The following ACBD6 variants were observed in gnomAD, a reference collection of about 807,000 sequenced individuals.
ACBD6 encodes acyl-CoA-binding domain-containing protein 6.
A neutral mutation model predicts 37.2 loss-of-function variants in ACBD6; 28 were observed. The ratio of observed to expected loss-of-function variants is 0.75; its 90% CI spans 0.56 to 1.03. The LOEUF (loss-of-function observed/expected upper bound fraction) is 1.03. ACBD6 is among the 50% of genes least tolerant of loss of function. ACBD6 has a pLI of 0.00. For synonymous variants in ACBD6, 113 were observed against 126.8 expected, an observed-to-expected ratio of 0.89 and a Z score of 0.73; for missense variants, 340 against 337.4, an observed-to-expected ratio of 1.01 and a Z score of -0.06.
At chr1:180,299,548 T>G (rs1650047730) in intron 7 of ACBD6, among the ~76,000 whole-genome samples, 1 of 151,710 alleles carries the variant, frequency 6.6e-6, no homozygotes, top group Admixed American at 6.6e-5. Flanking sequence ...CTCAGGGTTT[T>G]GATAATGAAT....
exon 14 of ACBD6, chr1:180,271,661 C>G (rs1648668227): frequency 2.2e-6 from 3 of 1,382,804 alleles, no homozygotes; most frequent in African/African-American, 1.4e-5. Flanking sequence ...TTTGCCAGAA[C>G]TGAAGACAGA....
downstream of ACBD6, among the ~76,000 whole-genome samples, chr1:180,285,948 G>C (rs1057332387): frequency 6.6e-6 from 1 of 151,998 alleles, no homozygotes; most frequent in African/African-American, 2.4e-5. Context: ...ATTGTAATAG[G>C]TTTAAAAGAT....
At chr1:180,496,704 C>T (rs534831309) in intron 1 of ACBD6, among the ~76,000 whole-genome samples, 21 of 152,240 alleles carry the variant, frequency 1.4e-4, no homozygotes, top group South Asian at 6.2e-4. Context: ...ATTTGCTTAG[C>T]GATTAATTGC....
At chr1:180,434,161 T>C (rs1424699253) in intron 3 of ACBD6, among the ~76,000 whole-genome samples, 1 of 152,094 alleles carries the variant, frequency 6.6e-6, no homozygotes, top group African/African-American at 2.4e-5. Context: ...CATTATACTT[T>C]CCTCCCTTTA....
chr1:180,300,337 A>G (rs1284840886), intron 7 of ACBD6, among the ~76,000 whole-genome samples: 1 of 152,174 alleles, frequency 6.6e-6, no homozygotes, highest in Non-Finnish European at 1.5e-5. Flanking sequence ...TGATTAAATG[A>G]ATAACAAATA....
chr1:180,474,350 G>C (rs80120697), intron 3 of ACBD6, among the ~76,000 whole-genome samples: 2 of 152,150 alleles, frequency 1.3e-5, no homozygotes, highest in Non-Finnish European at 2.9e-5. Context: ...GCTTTTAAAA[G>C]GGTATGCAGC....
At chr1:180,380,522 A>T (rs1653598535) in intron 6 of ACBD6, among the ~76,000 whole-genome samples, 1 of 152,110 alleles carries the variant, frequency 6.6e-6, no homozygotes, top group Non-Finnish European at 1.5e-5. Flanking sequence ...AGACAAGCAA[A>T]AGCTGAGGGA....
intron 3 of ACBD6, among the ~76,000 whole-genome samples, chr1:180,466,184 CA>C (rs1650341857): frequency 6.6e-6 from 1 of 152,028 alleles, no homozygotes; most frequent in Non-Finnish European, 1.5e-5. Context: ...GGGTAAACTG[CA>C]TATATTTACT....
chr1:180,285,259 C>T (rs981050851), downstream of ACBD6, among the ~76,000 whole-genome samples: 3 of 152,122 alleles, frequency 2.0e-5, no homozygotes, highest in African/African-American at 7.2e-5. Context: ...AACTGAACTA[C>T]GATATGCCAT....
Position 180,361,888 on chromosome 1 carries a change from T to C in ACBD6, c.663+35628A>G, listed in dbSNP as rs546823402. Reference sequence around the variant, plus strand: ...TGTATTTATTGAACATTCTAGGTTTTATATTGTTGCTGTTGATTCCCCCCA... The same window carrying C: ...TGTATTTATTGAACATTCTAGGTTTCATATTGTTGCTGTTGATTCCCCCCA... On this transcript the variant is annotated intron_variant, in intron 6 of 7. Coordinates refer to ENST00000367595, the MANE Select transcript of ACBD6 (RefSeq NM_032360.4). Among the ~76,000 whole-genome samples the C allele has an allele frequency of 4.6e-5, 7 of 152,290 alleles. 1 individual carries two copies. The East Asian group carries it at 1.3e-3, about 29-fold the overall frequency.
At chr1:180,376,132 T>A (rs777900135) in intron 6 of ACBD6, among the ~76,000 whole-genome samples, 1 of 131,884 alleles carries the variant, frequency 7.6e-6, no homozygotes, top group Non-Finnish European at 1.8e-5. Context: ...AACACTGAGA[T>A]GCCATTTCTC....
intron 3 of ACBD6, among the ~76,000 whole-genome samples, chr1:180,471,247 G>A (rs1650553204): frequency 6.6e-6 from 1 of 151,772 alleles, no homozygotes; most frequent in African/African-American, 2.4e-5. Context: ...AAAAAAATAC[G>A]AAAATTAGCC....
chr1:180,491,031 C>G lies in ACBD6; in HGVS notation c.384+1238G>C, dbSNP rs1053676383. Among the ~76,000 whole-genome samples, 10 of 150,438 alleles carry G rather than the reference C, an allele frequency of 6.6e-5. No individual in the cohort carries two copies. In the East Asian group the frequency reaches 1.9e-3, roughly 29 times the overall value. On this transcript the variant is annotated intron_variant, in intron 3 of 7. Transcript: ENST00000367595. ...AAGGCAGTCATATCATTAAAGATAT[C>G]CAAAGTTGGTTATCACTCCCACTTT...
At chr1:180,313,796 C>T (rs1650685154) in intron 7 of ACBD6, among the ~76,000 whole-genome samples, 1 of 152,122 alleles carries the variant, frequency 6.6e-6, no homozygotes. Context: ...CTCCTGGTAG[C>T]TGGGACTACA....
chr1:180,416,828 C>T (rs1036923261), intron 4 of ACBD6, among the ~76,000 whole-genome samples: 1 of 152,076 alleles, frequency 6.6e-6, no homozygotes, highest in Non-Finnish European at 1.5e-5. Context: ...ATAGCATTTT[C>T]TTATCAAAAT....
intron 3 of ACBD6, among the ~76,000 whole-genome samples, chr1:180,456,861 C>T (rs936714065): frequency 4.6e-5 from 7 of 152,240 alleles, no homozygotes; most frequent in Non-Finnish European, 2.9e-5. Flanking sequence ...TCCCAAGTAG[C>T]TGGGACTACA....
intron 3 of ACBD6, among the ~76,000 whole-genome samples, chr1:180,474,796 T>A (rs1291935415): frequency 6.6e-6 from 1 of 152,158 alleles, no homozygotes; most frequent in Non-Finnish European, 1.5e-5. Context: ...AAATGGAGAA[T>A]AAAAAAATAT....
intron 12 of ACBD6, chr1:180,272,818 C>T (rs1034710238): frequency 1.3e-5 from 2 of 152,198 alleles, no homozygotes; most frequent in South Asian, 4.1e-4. Context: ...ATATCTTTGC[C>T]CATCTCACTG....
chr1:180,284,634 T>C (rs1454467337), downstream of ACBD6, among the ~76,000 whole-genome samples: 2 of 151,976 alleles, frequency 1.3e-5, no homozygotes, highest in Non-Finnish European at 2.9e-5. Context: ...CCTCCCAAAG[T>C]GCTGGAATTA....
Sources: allele counts gnomAD v4.1 joint callset (sites outside exome capture counted in the v4.1 genomes callset), GRCh38; gene constraint gnomAD v4.1.1; transcripts MANE v1.5; gene names NCBI Gene and HGNC (gene_info 2026-07-23, HGNC 2026-07-21).